DOK7: variants seen among roughly 807,000 people sequenced by gnomAD.
The protein encoded by DOK7 is protein Dok-7.
Under a neutral mutation model 30.7 loss-of-function variants are expected in DOK7, and 32 were observed. The ratio of observed to expected loss-of-function variants is 1.04; its 90% CI spans 0.79 to 1.40. DOK7 has a LOEUF of 1.40. Among genes scored for constraint, DOK7 ranks in the 40% most tolerant of loss-of-function variants. The probability of loss-of-function intolerance (pLI) is 0.00; values close to 1 mark genes in which losing one functional copy is unlikely to be tolerated. For missense variants in DOK7, 1,007 were observed against 699.2 expected (o/e 1.44, Z -4.97); for synonymous variants, 447 against 324.1 (o/e 1.38, Z -4.07).
chr4:3,489,166 T>A (rs768818762), intron 5 of DOK7, among the ~76,000 whole-genome samples: 1 of 152,082 alleles, frequency 6.6e-6, no homozygotes, highest in Non-Finnish European at 1.5e-5. Flanking sequence ...CACCATGCTC[T>A]GAGCCTTGGG....
chr4:3,485,730 C>T, intron 5 of DOK7, 72 bp downstream of exon 5: 1 of 1,408,352 alleles, frequency 7.1e-7, no homozygotes, highest in Non-Finnish European at 9.3e-7. Flanking sequence ...GGCGGGGGGC[C>T]ACAGTGATTT....
chr4:3,490,363 ATTCC>A (rs1326248742), intron 6 of DOK7, among the ~76,000 whole-genome samples: 3 of 48,234 alleles, frequency 6.2e-5, no homozygotes, highest in Non-Finnish European at 1.0e-4. Flanking sequence ...ACACTCATTC[ATTCC>A]TTCCTTCCCC....
downstream of DOK7, among the ~76,000 whole-genome samples, chr4:3,497,146 G>C (rs1728953778): frequency 6.6e-6 from 1 of 152,082 alleles, no homozygotes; most frequent in Non-Finnish European, 1.5e-5. Flanking sequence ...GTAGAGGGCA[G>C]GCTGCTGGAG....
chr4:3,486,942 C>G (rs527687801), intron 5 of DOK7, among the ~76,000 whole-genome samples: 1 of 152,200 alleles, frequency 6.6e-6, no homozygotes, highest in South Asian at 2.1e-4. Flanking sequence ...CAGAGGGAAG[C>G]AGGGAAGCAG....
chr4:3,494,456 G>C lies in DOK7; in HGVS notation c.*955G>C. On this transcript the variant is annotated 3_prime_UTR_variant, in exon 7 of 7. Coordinates refer to ENST00000340083, the MANE Select transcript of DOK7 (RefSeq NM_173660.5). Reference sequence around the variant, plus strand: ...CTAAACCCAGACACTGTTTGTAATAGACTGGAAATAAAATGTTCTTTCCTT... The same window carrying C: ...CTAAACCCAGACACTGTTTGTAATACACTGGAAATAAAATGTTCTTTCCTT... 1.0e-6 allele frequency: 1 copy of C among 985,458 alleles called. No individual in the cohort carries two copies. The highest frequency in any genetic ancestry group is 1.2e-6 in the Non-Finnish European group (1 of 829,908). 61.0% of individuals were successfully genotyped at this position (985,458 alleles called of 1,614,324 possible). A position where few individuals can be genotyped will look rare whatever the true frequency, so the allele number is the denominator to read the frequency against.
At chr4:3,495,532 C>T (rs896856309), downstream of DOK7, among the ~76,000 whole-genome samples, 4 of 152,372 alleles carry the variant, frequency 2.6e-5, no homozygotes, top group East Asian at 3.9e-4. Flanking sequence ...TCACGATGCT[C>T]GTGAGTGGGC....
intron 3 of DOK7, among the ~76,000 whole-genome samples, chr4:3,475,118 T>C (rs1726987732): frequency 6.6e-6 from 1 of 151,918 alleles, no homozygotes; most frequent in African/African-American, 2.4e-5. Flanking sequence ...GGGGGCTTAG[T>C]GGGAGGAGGT....
At chr4:3,494,710 G>C (rs1301153532), downstream of DOK7, among the ~76,000 whole-genome samples, 1 of 152,250 alleles carries the variant, frequency 6.6e-6, no homozygotes, top group Non-Finnish European at 1.5e-5. Flanking sequence ...GTGTGTGCAC[G>C]TGTGGCACAT....
At chr4:3,464,630 G>A (rs572295138) in intron 2 of DOK7, among the ~76,000 whole-genome samples, 13 of 152,338 alleles carry the variant, frequency 8.5e-5, no homozygotes, top group East Asian at 1.9e-4. Flanking sequence ...GGTCGGGGCC[G>A]TGGTGGGGCA....
chr4:3,469,598 C>A (rs1038590537), intron 2 of DOK7, among the ~76,000 whole-genome samples: 4 of 152,094 alleles, frequency 2.6e-5, no homozygotes, highest in African/African-American at 9.7e-5. Flanking sequence ...GGGGAGCTGG[C>A]CAGTGGCCAT....
intron 6 of DOK7, among the ~76,000 whole-genome samples, chr4:3,490,214 C>T (rs1358429750): frequency 1.1e-5 from 1 of 89,268 alleles, no homozygotes; most frequent in Admixed American, 1.4e-4. Context: ...CTCATTCATT[C>T]CTGTCTTCAC....
At chr4:3,487,331 G>T (rs1348021837) in intron 5 of DOK7, among the ~76,000 whole-genome samples, 1 of 152,224 alleles carries the variant, frequency 6.6e-6, no homozygotes, top group Non-Finnish European at 1.5e-5. Flanking sequence ...TGATGGGTTC[G>T]TCTGCCTGTG....
chr4:3,492,095 G>T (rs1471728408), intron 6 of DOK7, among the ~76,000 whole-genome samples: 1 of 152,132 alleles, frequency 6.6e-6, no homozygotes, highest in East Asian at 1.9e-4. Flanking sequence ...GGCAGAGCAG[G>T]CAGCTTAGAG....
intron 5 of DOK7, among the ~76,000 whole-genome samples, chr4:3,488,857 C>G (rs530021903): frequency 6.6e-6 from 1 of 152,330 alleles, no homozygotes; most frequent in East Asian, 1.9e-4. Context: ...GTGGAAGGGG[C>G]AGGGTCTTGA....
downstream of DOK7, among the ~76,000 whole-genome samples, chr4:3,494,667 C>T (rs962748528): frequency 1.1e-4 from 13 of 117,020 alleles, no homozygotes; most frequent in African/African-American, 3.2e-4. Flanking sequence ...GAGGCAGCTC[C>T]GGGCAGCCCC....
chr4:3,464,204 G>A (rs969642332), intron 2 of DOK7, among the ~76,000 whole-genome samples: 1 of 152,208 alleles, frequency 6.6e-6, no homozygotes, highest in African/African-American at 2.4e-5. Flanking sequence ...AGGTGCGGCA[G>A]AGCCGGCCAG....
At position 3,494,162 on chromosome 4, in the gene DOK7, C is replaced by T; in HGVS notation, c.*661C>T. On this transcript the variant is annotated 3_prime_UTR_variant, in exon 7 of 7. Coordinates refer to ENST00000340083, the MANE Select transcript of DOK7 (RefSeq NM_173660.5). ...GGTGGTGTCCTCAGAGCAGCCTCGCCTGCTGACCCCACTGGGAGAGGCGCC... is the reference window on the plus strand; with the variant it reads ...GGTGGTGTCCTCAGAGCAGCCTCGCTTGCTGACCCCACTGGGAGAGGCGCC... The T allele has an allele frequency of 2.0e-6, 2 of 985,594 alleles. No homozygotes were observed. Among genetic ancestry groups the T allele is most frequent in the Non-Finnish European group, 2.4e-6 (2 of 830,032 alleles). The allele number at this position is 985,594 out of a possible 1,614,324, so 61.1% of individuals were successfully genotyped here. A position where few individuals can be genotyped will look rare whatever the true frequency, so the allele number is the denominator to read the frequency against.
intron 6 of DOK7, chr4:3,500,248 C>T (rs1280676130): frequency 1.3e-6 from 2 of 1,535,264 alleles, no homozygotes; most frequent in Middle Eastern, 1.7e-4. Flanking sequence ...GCTCCCCCCA[C>T]AGGATCCCCA....
intron 7 of DOK7, chr4:3,500,666 T>C (rs1192468315): frequency 6.5e-7 from 1 of 1,535,600 alleles, no homozygotes. Context: ...GGGCGCAGGC[T>C]GCCGCTCACT....
Sources: allele counts gnomAD v4.1 joint callset (sites outside exome capture counted in the v4.1 genomes callset), GRCh38; gene constraint gnomAD v4.1.1; transcripts MANE v1.5; gene names NCBI Gene and HGNC (gene_info 2026-07-23, HGNC 2026-07-21).